The following STX6 variants were observed in gnomAD, a reference collection of about 807,000 sequenced individuals.
STX6 encodes the protein syntaxin-6.
In STX6, 23 loss-of-function variants were observed where a neutral mutation model predicts 38.0. The ratio of observed to expected loss-of-function variants is 0.60; its 90% CI spans 0.43 to 0.86. STX6 has a LOEUF of 0.86. Among genes scored for constraint, STX6 ranks in the 40% least tolerant of loss-of-function variants. STX6 has a pLI of 0.00. For synonymous variants in STX6, 123 were observed against 107.5 expected (o/e 1.14, Z -0.89); for missense variants, 274 against 312.9 (o/e 0.88, Z 0.94).
rs1167167749 is a variant in STX6, at chr1:181,005,389, G to A, written c.110C>T (p.Thr37Ile). 1 of 1,614,122 alleles carries A rather than the reference G, an allele frequency of 6.2e-7. No homozygotes were observed. Residue 37 changes from threonine to isoleucine, a missense_variant, in exon 2 of 8, where the codon ACA becomes ATA. Transcript: ENST00000258301. Reference sequence around the variant, plus strand: ...CCAGTCGATTTCTTCCCTTGTTGCTGTGGAGGGGTCCTGGAGGAGCTCTGT... The same window carrying A: ...CCAGTCGATTTCTTCCCTTGTTGCTATGGAGGGGTCCTGGAGGAGCTCTGT... ...RWTELLQDPS[T>I]ATREEIDWTT... is the part of the protein sequence containing the mutation.
chr1:181,019,449 G>A (rs1184927613), intron 1 of STX6, among the ~76,000 whole-genome samples: 7 of 152,082 alleles, frequency 4.6e-5, no homozygotes, highest in Non-Finnish European at 2.9e-5. Context: ...GGTGACAAAG[G>A]AAGCACTTCC....
At chr1:180,999,089 T>C (rs1655998278) in intron 3 of STX6, among the ~76,000 whole-genome samples, 1 of 152,230 alleles carries the variant, frequency 6.6e-6, no homozygotes, top group Non-Finnish European at 1.5e-5. Flanking sequence ...GCCATTTCCA[T>C]CTTGACTTAC....
At chr1:180,980,270 T>G (rs1655369505) in intron 7 of STX6, among the ~76,000 whole-genome samples, 1 of 147,122 alleles carries the variant, frequency 6.8e-6, no homozygotes, top group Non-Finnish European at 1.5e-5. Flanking sequence ...ATGTTCAACA[T>G]TAGATGTCAC....
chr1:180,978,953 T>C (rs901572313), intron 7 of STX6, among the ~76,000 whole-genome samples: 4 of 152,210 alleles, frequency 2.6e-5, no homozygotes, highest in Non-Finnish European at 5.9e-5. Context: ...AGGAAGAAAC[T>C]GCATATGCAT....
At chr1:180,981,624 G>T (rs999477085) in intron 7 of STX6, among the ~76,000 whole-genome samples, 1 of 152,036 alleles carries the variant, frequency 6.6e-6, no homozygotes, top group East Asian at 1.9e-4. Context: ...TTCCACAACT[G>T]TATTAAGTAG....
intron 7 of STX6, among the ~76,000 whole-genome samples, chr1:180,984,098 A>C (rs770325756): frequency 8.8e-5 from 13 of 148,338 alleles, no homozygotes; most frequent in Non-Finnish European, 1.5e-4. Context: ...AAACACAACG[A>C]AAGTGACTCT....
chr1:180,988,159 C>T, intron 6 of STX6, 80 bp downstream of exon 6: 1 of 958,116 alleles, frequency 1.0e-6, no homozygotes, highest in East Asian at 2.5e-5. Context: ...AGCCACGTAG[C>T]TGCCAGGCTT....
chr1:180,985,022 G>A (rs1655530320), intron 6 of STX6, among the ~76,000 whole-genome samples: 1 of 152,168 alleles, frequency 6.6e-6, no homozygotes, highest in Non-Finnish European at 1.5e-5. Context: ...ACCACCAGGA[G>A]GGTCTGGGGC....
intron 1 of STX6, among the ~76,000 whole-genome samples, chr1:181,007,199 T>C (rs1379401777): frequency 1.3e-5 from 2 of 152,214 alleles, no homozygotes; most frequent in African/African-American, 2.4e-5. Flanking sequence ...TAAAGTGGCA[T>C]AGTATTTGCA....
chr1:180,999,898 G>A (rs759149755), intron 3 of STX6, among the ~76,000 whole-genome samples: 3 of 151,676 alleles, frequency 2.0e-5, no homozygotes, highest in Non-Finnish European at 4.4e-5. Context: ...CCTCTCTATC[G>A]AGCTCTTCCA....
intron 3 of STX6, among the ~76,000 whole-genome samples, chr1:180,996,624 G>A (rs1406772141): frequency 6.6e-6 from 1 of 151,800 alleles, no homozygotes; most frequent in Non-Finnish European, 1.5e-5. Flanking sequence ...GGCATCATCA[G>A]TACGGTGGTG....
intron 7 of STX6, among the ~76,000 whole-genome samples, chr1:180,984,060 T>G (rs1262582516): frequency 6.0e-5 from 1 of 16,646 alleles, no homozygotes; most frequent in Admixed American, 1.0e-3. Context: ...TGAGGCTCCA[T>G]CTCAAAAAAA....
chr1:181,022,823 A>G lies in STX6; in HGVS notation c.-150T>C. ...GCGGGCACGCGCACAGGCCAGGTGC[A>G]CAGGACGGCCGCTGGTCCAGCACTC... On this transcript the variant is annotated 5_prime_UTR_variant, in exon 1 of 8. Coordinates refer to ENST00000258301, the MANE Select transcript of STX6 (RefSeq NM_005819.6). 2 of 711,498 alleles carry G rather than the reference A, an allele frequency of 2.8e-6. No individual in the cohort carries two copies. The highest frequency in any genetic ancestry group is 2.9e-5 in the East Asian group (1 of 35,074). 44.1% of individuals were successfully genotyped at this position (711,498 alleles called of 1,614,324 possible). A position where few individuals can be genotyped will look rare whatever the true frequency, so the allele number is the denominator to read the frequency against.
chr1:180,984,063 C>CAA (rs10625558), intron 7 of STX6, among the ~76,000 whole-genome samples: 131 of 7,158 alleles, frequency 0.018, 38 homozygotes, highest in African/African-American at 0.052. Context: ...GGCTCCATCT[C>CAA]AAAAAAAAAA....
chr1:181,002,806 T>C (rs1478463288), intron 2 of STX6, 106 bp from the exon 3 acceptor site: 1 of 742,324 alleles, frequency 1.3e-6, no homozygotes, highest in Non-Finnish European at 2.3e-6. Flanking sequence ...TGGCTCAAAC[T>C]TTCTGAAAAC....
At chr1:180,990,889 G>A (rs1434815795) in intron 4 of STX6, among the ~76,000 whole-genome samples, 5 of 152,212 alleles carry the variant, frequency 3.3e-5, no homozygotes, top group Non-Finnish European at 7.3e-5. Context: ...AGGCAGGAAT[G>A]TGAGAGTTCC....
rs1656787111 is a variant in STX6, at chr1:181,022,837, G to A, written c.-164C>T. The A allele has an allele frequency of 9.4e-6, 6 of 641,422 alleles. No homozygotes were observed. Among genetic ancestry groups the A allele is most frequent in the South Asian group, 5.7e-5 (3 of 52,676 alleles). The allele number at this position is 641,422 out of a possible 1,614,324, so 39.7% of individuals were successfully genotyped here. On this transcript the variant is annotated 5_prime_UTR_variant, in exon 1 of 8. Coordinates refer to ENST00000258301, the MANE Select transcript of STX6 (RefSeq NM_005819.6). ...AGGCCAGGTGCACAGGACGGCCGCT[G>A]GTCCAGCACTCGCTCAGCACCACTG... is the stretch of plus-strand genomic sequence containing the variant.
Position 180,984,698 on chromosome 1 carries a change from T to G in STX6, c.670A>C (p.Lys224Gln). 1 of 1,570,784 alleles carries G rather than the reference T, an allele frequency of 6.4e-7. No homozygotes were observed. The highest frequency in any genetic ancestry group is 1.1e-5 in the South Asian group (1 of 90,128). ...RLDNVMKKLAKVSHMTSDRRQ... is the reference protein window; with the variant it reads ...RLDNVMKKLAQVSHMTSDRRQ... ...ATACCACTGGTCATATGAGATACTTTTGCAAGTTTCTTCATCACATTGTCC... is the reference window on the plus strand; with the variant it reads ...ATACCACTGGTCATATGAGATACTTGTGCAAGTTTCTTCATCACATTGTCC... Residue 224 changes from lysine to glutamine, a missense_variant, in exon 7 of 8, where the codon AAA becomes CAA. By Grantham distance (53) the Lys-to-Gln change is moderately conservative. Coordinates refer to ENST00000258301, the MANE Select transcript of STX6 (RefSeq NM_005819.6).
intron 7 of STX6, among the ~76,000 whole-genome samples, chr1:180,977,489 C>T (rs1655288836): frequency 6.6e-6 from 1 of 152,202 alleles, no homozygotes; most frequent in Non-Finnish European, 1.5e-5. Flanking sequence ...CTGTGCAATA[C>T]CCAAACCTAG....
Sources: gnomAD v4.1 joint callset for allele counts (sites outside exome capture counted in the v4.1 genomes callset) on GRCh38, gnomAD v4.1.1 for gene constraint, MANE v1.5 for transcripts, NCBI Gene and HGNC (gene_info 2026-07-23, HGNC 2026-07-21) for gene names.